ITCH: variants seen among roughly 807,000 people sequenced by gnomAD.
The protein encoded by ITCH is E3 ubiquitin-protein ligase Itchy homolog.
In ITCH, 28 loss-of-function variants were observed where a neutral mutation model predicts 126.8. That is an observed-to-expected ratio of 0.22 (90% CI 0.16 to 0.30). The LOEUF (loss-of-function observed/expected upper bound fraction) is 0.30, where lower values mean the gene tolerates loss of function less well. Ranked by LOEUF, ITCH falls within the 10% of genes least tolerant of loss-of-function variation. The pLI is 1.00. For synonymous variants in ITCH, 342 were observed against 340.0 expected, an observed-to-expected ratio of 1.01 and a Z score of -0.06; for missense variants, 631 against 1,032.4, an observed-to-expected ratio of 0.61 and a Z score of 5.33.
intron 7 of ITCH, among the ~76,000 whole-genome samples, chr20:34,428,895 A>G (rs1433210417): frequency 2.0e-5 from 3 of 152,186 alleles, no homozygotes; most frequent in Admixed American, 1.3e-4. Flanking sequence ...GAATAGGGGA[A>G]CAAAGTTATA....
chr20:34,471,551 C>T, intron 16 of ITCH, 36 bp downstream of exon 16: 1 of 1,338,584 alleles, frequency 7.5e-7, no homozygotes, highest in Non-Finnish European at 1.1e-6. Flanking sequence ...TCCCCCCTGG[C>T]TGCTAGCTTA....
rs1412108621 is a variant in ITCH, at chr20:34,471,588, A to C, written c.1569+73A>C. On this transcript the variant is annotated intron_variant, in intron 16 of 24. Coordinates refer to ENST00000374864, the MANE Select transcript of ITCH (RefSeq NM_031483.7). ...GACCCGCTTTTGGTGCTGTCAGTTT[A>C]ATCTGAATGGTTTGGAACTTCTTGA... 6.5e-6 allele frequency: 6 copies of C among 921,658 alleles called. No individual in the cohort carries two copies. The African/African-American group carries it at 8.2e-5, about 13-fold the overall frequency. The allele number at this position is 921,658 out of a possible 1,614,324, so 57.1% of individuals were successfully genotyped here.
At chr20:34,451,462 A>G (rs1175301414) in intron 12 of ITCH, among the ~76,000 whole-genome samples, 1 of 152,160 alleles carries the variant, frequency 6.6e-6, no homozygotes, top group Admixed American at 6.5e-5. Context: ...CCTGTCTCAA[A>G]AAAAAGAAGA....
intron 23 of ITCH, among the ~76,000 whole-genome samples, chr20:34,496,642 A>C (rs1463095878): frequency 6.6e-6 from 1 of 151,952 alleles, no homozygotes; most frequent in Non-Finnish European, 1.5e-5. Flanking sequence ...GTCTCTACTA[A>C]AAATACAAAA....
In ITCH at chr20:34,503,892, T is replaced by TG. The variant is rs199950900; in HGVS notation, c.2417-439_2417-438insG. Among the ~76,000 whole-genome samples the TG allele has an allele frequency of 6.1e-3, 880 of 144,714 alleles. 9 individuals are homozygous for TG. The highest frequency in any genetic ancestry group is 0.02 in the African/African-American group (752 of 38,156). The allele number at this position is 144,714 out of a possible 152,430, so 94.9% of individuals were successfully genotyped here. ...TTGGTTTTTTTTTTTTTGGTTTTTT[T>TG]TTTTTTTGAGATAGGGTCTCGTTCT... On this transcript the variant is annotated intron_variant, in intron 23 of 24. Coordinates refer to ENST00000374864, the MANE Select transcript of ITCH (RefSeq NM_031483.7).
At chr20:34,416,108 C>G (rs1410217044) in intron 6 of ITCH, among the ~76,000 whole-genome samples, 1 of 141,558 alleles carries the variant, frequency 7.1e-6, no homozygotes, top group African/African-American at 2.7e-5. Flanking sequence ...GGTGACAGAG[C>G]GAGACTCTGG....
intron 1 of ITCH, among the ~76,000 whole-genome samples, chr20:34,364,724 C>CAAAAAAAAAAAAAAAAAAAAAAAAA (rs1171765663): frequency 4.4e-5 from 2 of 45,568 alleles, no homozygotes; most frequent in African/African-American, 1.2e-4. Flanking sequence ...ACTAAAAATA[C>CAAAAAAAAAAAAAAAAAAAAAAAAA]AAAAAAAAAA....
intron 2 of ITCH, among the ~76,000 whole-genome samples, chr20:34,388,878 A>G (rs1036673494): frequency 2.0e-5 from 3 of 152,224 alleles, no homozygotes; most frequent in African/African-American, 7.2e-5. Context: ...TGAAAACACA[A>G]TGCATAAAGT....
At chr20:34,391,108 GGC>G (rs1448138180) in intron 2 of ITCH, among the ~76,000 whole-genome samples, 3 of 152,158 alleles carry the variant, frequency 2.0e-5, no homozygotes, top group Non-Finnish European at 4.4e-5. Context: ...CTAAGAATCT[GGC>G]GCTCAGGGGA....
At chr20:34,463,812 C>T (rs1217692149) in intron 14 of ITCH, among the ~76,000 whole-genome samples, 6 of 149,528 alleles carry the variant, frequency 4.0e-5, no homozygotes, top group East Asian at 1.9e-4. Context: ...TTTTCTTTTG[C>T]GATTGAGTTT....
At position 34,462,166 on chromosome 20, in the gene ITCH, G is replaced by A. The variant is rs761241388; in HGVS notation, c.1369G>A (p.Asp457Asn). The A allele has an allele frequency of 5.0e-6, 8 of 1,613,860 alleles. No individual in the cohort carries two copies. The Admixed American group carries it at 1.2e-4, about 24-fold the overall frequency. Residue 457 changes from aspartate to asparagine, a missense_variant, in exon 14 of 25, where the codon GAC (aspartate) becomes AAC (asparagine). Physicochemically the swap from Asp to Asn is conservative, Grantham distance 23. This residue lies in a region of ITCH where 390 missense variants were observed against 731.6 expected (regional missense o/e 0.53). Coordinates refer to ENST00000374864, the MANE Select transcript of ITCH (RefSeq NM_031483.7). ...AGTGGATGGAATTCCATATTTTGTGGACCACAATAGAAGAACTACCACCTA... is the reference window on the plus strand; with the variant it reads ...AGTGGATGGAATTCCATATTTTGTGAACCACAATAGAAGAACTACCACCTA... The part of the protein sequence containing the change: ...FTVDGIPYFV[D>N]HNRRTTTYID...
At chr20:34,492,349 A>T in intron 22 of ITCH, 152 bp from the exon 23 acceptor site, 1 of 565,818 alleles carries the variant, frequency 1.8e-6, no homozygotes, top group East Asian at 3.2e-5. Flanking sequence ...ATCAGCTATG[A>T]TTGCATCACT....
rs765233172 is a variant in ITCH, at chr20:34,489,884, T to A, written c.2277T>A (p.Arg759=). Residue 759 remains arginine (R), a synonymous_variant, in exon 22 of 25, where the codon CGT becomes CGA. Transcript: ENST00000374864. ...LNDWQRHAIY[R]HYARTSKQIM... ...ACTGGCAAAGACATGCCATCTACCG[T>A]CATTATGCAAGGACCAGCAAACAAA... 1.2e-6 allele frequency: 2 copies of A among 1,614,038 alleles called. No individual in the cohort carries two copies. The highest frequency in any genetic ancestry group is 1.7e-6 in the Non-Finnish European group (2 of 1,179,960).
chr20:34,502,080 A>C (rs529761422), intron 23 of ITCH, among the ~76,000 whole-genome samples: 1 of 152,354 alleles, frequency 6.6e-6, no homozygotes, highest in South Asian at 2.1e-4. Context: ...GAACATAGGT[A>C]CAAAAGTCTA....
intron 16 of ITCH, chr20:34,476,189 T>G: frequency 1.2e-6 from 1 of 802,126 alleles, no homozygotes. Flanking sequence ...TCTGGATTAT[T>G]TTCAACCACA....
intron 6 of ITCH, among the ~76,000 whole-genome samples, chr20:34,414,775 C>T (rs369696368): frequency 1.3e-5 from 2 of 152,094 alleles, no homozygotes; most frequent in South Asian, 2.1e-4. Flanking sequence ...CCACTGCATC[C>T]GGCCTCTAAA....
intron 2 of ITCH, among the ~76,000 whole-genome samples, chr20:34,390,259 T>G (rs187484727): frequency 2.6e-5 from 4 of 152,274 alleles, no homozygotes; most frequent in Admixed American, 2.6e-4. Flanking sequence ...AACTATAAAT[T>G]ATAGATTATC....
intron 6 of ITCH, among the ~76,000 whole-genome samples, chr20:34,424,228 T>C (rs879400132): frequency 6.6e-6 from 1 of 152,184 alleles, no homozygotes; most frequent in Non-Finnish European, 1.5e-5. Flanking sequence ...AGTGCATGAG[T>C]AATATACCTT....
At chr20:34,505,342 C>G (rs1990554654) in intron 24 of ITCH, among the ~76,000 whole-genome samples, 2 of 151,990 alleles carry the variant, frequency 1.3e-5, no homozygotes, top group South Asian at 4.2e-4. Flanking sequence ...CCGCATCTGG[C>G]CTGTTCAGTG....
Sources: allele counts gnomAD v4.1 joint callset (sites outside exome capture counted in the v4.1 genomes callset), GRCh38; gene constraint gnomAD v4.1.1; regional missense constraint gnomAD v4.1.1; transcripts MANE v1.5; gene names NCBI Gene and HGNC (gene_info 2026-07-23, HGNC 2026-07-21).